The following DLG2 variants were observed in gnomAD, a reference collection of about 807,000 sequenced individuals.
DLG2 encodes discs large MAGUK scaffold protein 2, also known as disks large homolog 2.
Under a neutral mutation model 132.5 loss-of-function variants are expected in DLG2, and 45 were observed. That is an observed-to-expected ratio of 0.34 (90% CI 0.27 to 0.44). DLG2 has a LOEUF of 0.44. Ranked by LOEUF, DLG2 falls within the 20% of genes least tolerant of loss-of-function variation. DLG2 has a pLI of 1.00. For missense variants in DLG2, 1,045 were observed against 1,196.9 expected (o/e 0.87, Z 1.87); for synonymous variants, 424 against 419.6 (o/e 1.01, Z -0.13).
chr11:84,392,538 C>G (rs556647250), intron 7 of DLG2, among the ~76,000 whole-genome samples: 4 of 152,286 alleles, frequency 2.6e-5, no homozygotes, highest in African/African-American at 7.2e-5. Flanking sequence ...GTGATTTTCA[C>G]TGAGGTCAAA....
At chr11:83,730,708 AAG>A (rs2090860026) in intron 18 of DLG2, among the ~76,000 whole-genome samples, 1 of 152,178 alleles carries the variant, frequency 6.6e-6, no homozygotes, top group African/African-American at 2.4e-5. Context: ...GCTGTGCCTG[AAG>A]AGACTCAAAG....
At chr11:84,368,647 C>T (rs539837832) in intron 7 of DLG2, among the ~76,000 whole-genome samples, 1 of 152,186 alleles carries the variant, frequency 6.6e-6, no homozygotes, top group East Asian at 1.9e-4. Flanking sequence ...CAATGTAACA[C>T]TAAGTGAGTT....
In DLG2 at chr11:84,369,955, G is replaced by T. The variant is rs529335474; in HGVS notation, c.520-118664C>A. Among the ~76,000 whole-genome samples, 5 of 152,208 alleles carry T rather than the reference G, an allele frequency of 3.3e-5. No individual in the cohort carries two copies. In the South Asian group the frequency reaches 1.0e-3, roughly 32 times the overall value. On this transcript the variant is annotated intron_variant, in intron 7 of 27. Coordinates refer to ENST00000376104, the MANE Select transcript of DLG2 (RefSeq NM_001142699.3). ...CACAGAAGCTATTTCACTTGTTCTA[G>T]GTCCCTCTGCTGCTAAACAATAAAA... is the stretch of plus-strand genomic sequence containing the variant.
chr11:84,631,540 T>C (rs569464205), intron 6 of DLG2, among the ~76,000 whole-genome samples: 1 of 152,110 alleles, frequency 6.6e-6, no homozygotes, highest in South Asian at 2.1e-4. Context: ...TATAGAGATG[T>C]TGCAGTGATC....
chr11:84,297,054 C>T (rs147248384), intron 7 of DLG2, among the ~76,000 whole-genome samples: 2 of 149,330 alleles, frequency 1.3e-5, no homozygotes, highest in Non-Finnish European at 3.0e-5. Context: ...TCCCAATTTC[C>T]AACTTAAAAT....
At chr11:84,242,235 A>T (rs2097238886) in intron 8 of DLG2, among the ~76,000 whole-genome samples, 1 of 152,204 alleles carries the variant, frequency 6.6e-6, no homozygotes, top group Non-Finnish European at 1.5e-5. Flanking sequence ...GCTTCCCAGT[A>T]AATGAGAAGC....
intron 7 of DLG2, among the ~76,000 whole-genome samples, chr11:84,458,402 G>A (rs1046894050): frequency 2.7e-5 from 4 of 150,730 alleles, no homozygotes; most frequent in Admixed American, 6.6e-5. Context: ...AGTGATCATC[G>A]TCCTCCAGTC....
chr11:84,021,126 T>G (rs771496283), intron 11 of DLG2, among the ~76,000 whole-genome samples: 2 of 152,192 alleles, frequency 1.3e-5, no homozygotes, highest in Admixed American at 6.5e-5. Context: ...GAATATCTAC[T>G]GGGTGCCCAG....
intron 19 of DLG2, among the ~76,000 whole-genome samples, chr11:83,617,324 A>G (rs974598621): frequency 3.3e-5 from 5 of 152,146 alleles, no homozygotes; most frequent in African/African-American, 1.2e-4. Flanking sequence ...TCCTTTAATA[A>G]CATTTGTGGC....
intron 3 of DLG2, among the ~76,000 whole-genome samples, chr11:85,297,774 GC>G (rs1330823212): frequency 2.0e-5 from 3 of 152,102 alleles, no homozygotes; most frequent in African/African-American, 7.2e-5. Flanking sequence ...GTGGCCCAGG[GC>G]CTAATCAAGA....
chr11:84,540,176 C>T (rs375288029), intron 6 of DLG2, among the ~76,000 whole-genome samples: 1 of 151,992 alleles, frequency 6.6e-6, no homozygotes, highest in Non-Finnish European at 1.5e-5. Flanking sequence ...GCAACAAAAG[C>T]CAAAATTGAC....
At chr11:83,985,424 G>C (rs1384644622) in intron 11 of DLG2, among the ~76,000 whole-genome samples, 1 of 151,940 alleles carries the variant, frequency 6.6e-6, no homozygotes, top group Admixed American at 6.6e-5. Flanking sequence ...TGTGTGCCCT[G>C]GTAGCTTGCT....
rs575390953 is a variant in DLG2, at chr11:84,925,324, C to A, written c.357+186337G>T. 6.6e-5 allele frequency among the ~76,000 whole-genome samples: 10 copies of A among 152,248 alleles called. No homozygotes were observed. The South Asian group carries it at 2.1e-3, about 32-fold the overall frequency. Reference sequence around the variant, plus strand: ...GTACATGTAGGTTTCCCTGTCAAGGCTATCAGGGAGGACTTCTAACAGGGC... The same window carrying A: ...GTACATGTAGGTTTCCCTGTCAAGGATATCAGGGAGGACTTCTAACAGGGC... On this transcript the variant is annotated intron_variant, in intron 6 of 27. Transcript: ENST00000376104.
chr11:84,046,063 TAAA>T (rs2096236483), intron 11 of DLG2, among the ~76,000 whole-genome samples: 1 of 151,592 alleles, frequency 6.6e-6, no homozygotes, highest in Admixed American at 6.6e-5. Flanking sequence ...TATTAAAGCA[TAAA>T]TTGAAGACTT....
intron 3 of DLG2, among the ~76,000 whole-genome samples, chr11:85,540,879 C>A (rs180955082): frequency 3.9e-5 from 6 of 152,350 alleles, no homozygotes; most frequent in Admixed American, 6.5e-5. Context: ...CCCTGTTGCA[C>A]GCCCTGCGAG....
chr11:85,166,802 T>A (rs1265772807), intron 4 of DLG2, among the ~76,000 whole-genome samples: 1 of 152,174 alleles, frequency 6.6e-6, no homozygotes, highest in African/African-American at 2.4e-5. Context: ...GTTGTTTAAT[T>A]ATGCAGTGTT....
intron 6 of DLG2, among the ~76,000 whole-genome samples, chr11:85,037,656 G>A (rs1445516621): frequency 6.6e-6 from 1 of 152,118 alleles, no homozygotes; most frequent in Non-Finnish European, 1.5e-5. Flanking sequence ...AAGTTAAAAT[G>A]TGGTGGGTTT....
At position 84,360,038 on chromosome 11, in the gene DLG2, G is replaced by A. The variant is rs1299629348; in HGVS notation, c.520-108747C>T. Among the ~76,000 whole-genome samples, 3 of 151,872 alleles carry A rather than the reference G, an allele frequency of 2.0e-5. No homozygotes were observed. In the East Asian group the frequency reaches 5.8e-4, roughly 29 times the overall value. On this transcript the variant is annotated intron_variant, in intron 7 of 27. Transcript: ENST00000376104. ...ATGCAATCTATTCTAGTTTCTAAAT[G>A]TGTAATTTTACCCCATCACCCCAAA...
chr11:84,379,248 A>C (rs536683079), intron 7 of DLG2, among the ~76,000 whole-genome samples: 1 of 152,294 alleles, frequency 6.6e-6, no homozygotes, highest in African/African-American at 2.4e-5. Context: ...TGTAGGATAA[A>C]TAATATACAA....
Sources: allele counts gnomAD v4.1 joint callset (sites outside exome capture counted in the v4.1 genomes callset), GRCh38; gene constraint gnomAD v4.1.1; transcripts MANE v1.5; gene names NCBI Gene and HGNC (gene_info 2026-07-23, HGNC 2026-07-21).